The following KIF21A variants were observed in gnomAD, a reference collection of about 807,000 sequenced individuals.
KIF21A encodes the protein kinesin-like protein KIF21A.
A neutral mutation model predicts 202.9 loss-of-function variants in KIF21A; 114 were observed. The observed-to-expected ratio is 0.56, with a 90% CI of 0.48 to 0.66. KIF21A has a LOEUF of 0.66. Among genes scored for constraint, KIF21A ranks in the 30% least tolerant of loss-of-function variants. The pLI is 0.00. For synonymous variants in KIF21A, 667 were observed against 670.8 expected (o/e 0.99, Z 0.09); for missense variants, 1,677 against 1,994.9 (o/e 0.84, Z 3.04).
chr12:39,332,910 C>T lies in KIF21A; in HGVS notation c.2685G>A (p.Pro895=), dbSNP rs140831269. ...PVARVQALPT[P]ATNGNRKKYQ... The stretch of plus-strand genomic sequence containing the variant: ...ATGTAGACCTGTTTCCATTTGTTGC[C>T]GGCGTTGGTAAGGCCTGGACTCTCG... The change falls in exon 19 of 38, where the codon CCG becomes CCA. Residue 895 remains proline, a synonymous_variant. Transcript: ENST00000361418. The T allele has an allele frequency of 6.9e-5, 111 of 1,613,578 alleles. 1 individual carries two copies. Among genetic ancestry groups the T allele is most frequent in the Middle Eastern group, 1.7e-4 (1 of 5,838 alleles).
At position 39,331,700 on chromosome 12, in the gene KIF21A, C is replaced by G; in HGVS notation, c.3143G>C (p.Gly1048Ala). The G allele has an allele frequency of 6.2e-7, 1 of 1,608,346 alleles. No individual in the cohort carries two copies. Among genetic ancestry groups the G allele is most frequent in the Non-Finnish European group, 8.5e-7 (1 of 1,174,820 alleles). ...RYLLDHFLSM[G>A]INKGLQAAQK... ...GTGGTTGTATCTTACCTTATTGATG[C>G]CCATTGACAGGAAGTGATCTAGCAG... The change falls in exon 22 of 38, where the codon GGC becomes GCC. Residue 1048 changes from glycine (G) to alanine (A), a missense_variant. Physicochemically the swap from Gly to Ala is moderately conservative, Grantham distance 60. This residue lies in a region of KIF21A where 705 missense variants were observed against 791.9 expected (regional missense o/e 0.89). Coordinates refer to ENST00000361418, the MANE Select transcript of KIF21A (RefSeq NM_001173464.2).
chr12:39,383,116 T>G (rs998570417), intron 1 of KIF21A, among the ~76,000 whole-genome samples: 10 of 152,242 alleles, frequency 6.6e-5, no homozygotes, highest in African/African-American at 2.4e-4. Flanking sequence ...TTTTAATGCA[T>G]GAATGTACTA....
intron 26 of KIF21A, among the ~76,000 whole-genome samples, chr12:39,325,630 C>G (rs943576301): frequency 1.3e-5 from 2 of 151,494 alleles, no homozygotes; most frequent in African/African-American, 2.4e-5. Context: ...CATGAGCCAC[C>G]GTATCTGGCC....
intron 37 of KIF21A, among the ~76,000 whole-genome samples, chr12:39,298,026 C>T (rs1942578945): frequency 6.6e-6 from 1 of 151,304 alleles, no homozygotes; most frequent in Non-Finnish European, 1.5e-5. Flanking sequence ...TAACTCACAC[C>T]AGGTTAACCC....
intron 1 of KIF21A, among the ~76,000 whole-genome samples, chr12:39,395,248 C>G (rs1050931641): frequency 2.0e-5 from 3 of 152,114 alleles, no homozygotes; most frequent in Non-Finnish European, 4.4e-5. Flanking sequence ...CTTAGTAGCT[C>G]CCCATTACCT....
intron 14 of KIF21A, 83 bp downstream of exon 14, chr12:39,341,422 A>C: frequency 7.4e-7 from 1 of 1,348,830 alleles, no homozygotes; most frequent in Non-Finnish European, 1.0e-6. Flanking sequence ...TCAAGTATGA[A>C]ATAGAGAATG....
In KIF21A at chr12:39,370,133, T is replaced by A; in HGVS notation, c.173A>T (p.Asp58Val). 1 of 1,613,634 alleles carries A rather than the reference T, an allele frequency of 6.2e-7. No individual in the cohort carries two copies. Among genetic ancestry groups the A allele is most frequent in the Non-Finnish European group, 8.5e-7 (1 of 1,179,680 alleles). Residue 58 changes from aspartate (D) to valine (V), a missense_variant, in exon 2 of 38, where the codon GAC becomes GTC. Around this residue, in one of 3 missense-constraint regions of KIF21A, gnomAD observed 966 missense variants for 1,180.9 expected, o/e 0.82. Coordinates refer to ENST00000361418, the MANE Select transcript of KIF21A (RefSeq NM_001173464.2). ...AFTFDYVFDI[D>V]SQQEQIYIQC... ...AATGTAGATCTGCTCTTGCTGGGAG[T>A]CAATGTCAAATACATAGTCAAAAGT...
At chr12:39,362,904 C>T (rs1229187746) in intron 7 of KIF21A, among the ~76,000 whole-genome samples, 194 bp downstream of exon 7, 1 of 152,146 alleles carries the variant, frequency 6.6e-6, no homozygotes, top group East Asian at 1.9e-4. Flanking sequence ...ATACCTACAC[C>T]TCAAGGGATG....
chr12:39,340,070 G>A (rs763863911), intron 16 of KIF21A, 95 bp downstream of exon 16: 49 of 966,984 alleles, frequency 5.1e-5, no homozygotes, highest in Non-Finnish European at 6.5e-5. Flanking sequence ...TACCTTTATC[G>A]AATATGGAAA....
At chr12:39,297,903 AGTATT>A (rs1462511248) in intron 37 of KIF21A, among the ~76,000 whole-genome samples, 1 of 148,808 alleles carries the variant, frequency 6.7e-6, no homozygotes, top group African/African-American at 2.5e-5. Context: ...AAAATAATAA[AGTATT>A]GTATTTTGGT....
chr12:39,310,336 A>G (rs973562465), intron 32 of KIF21A, among the ~76,000 whole-genome samples: 2 of 152,044 alleles, frequency 1.3e-5, no homozygotes, highest in African/African-American at 2.4e-5. Flanking sequence ...TTCAAAGAAC[A>G]TATGTTTTTT....
At chr12:39,435,808 C>T (rs1938609748) in intron 1 of KIF21A, among the ~76,000 whole-genome samples, 1 of 152,104 alleles carries the variant, frequency 6.6e-6, no homozygotes, top group Non-Finnish European at 1.5e-5. Flanking sequence ...GCCTGGAATT[C>T]ACTAAAGAAT....
chr12:39,369,209 A>G (rs1260001908), intron 3 of KIF21A, among the ~76,000 whole-genome samples: 1 of 152,206 alleles, frequency 6.6e-6, no homozygotes, highest in Non-Finnish European at 1.5e-5. Context: ...CTGTAACCCC[A>G]GCACTTTGGG....
At chr12:39,386,025 T>A (rs1029454526) in intron 1 of KIF21A, among the ~76,000 whole-genome samples, 14 of 152,204 alleles carry the variant, frequency 9.2e-5, no homozygotes, top group African/African-American at 3.1e-4. Context: ...GGTTTTGTTT[T>A]TGTTCTTGTC....
chr12:39,314,012 A>G (rs1944276499), intron 31 of KIF21A, among the ~76,000 whole-genome samples: 1 of 151,796 alleles, frequency 6.6e-6, no homozygotes, highest in African/African-American at 2.4e-5. Flanking sequence ...AGGGCTGAAT[A>G]TATGAAGAGC....
chr12:39,303,561 CCT>C (rs1491257999), intron 35 of KIF21A, among the ~76,000 whole-genome samples: 1 of 152,054 alleles, frequency 6.6e-6, no homozygotes, highest in African/African-American at 2.4e-5. Flanking sequence ...AAACCTGTGC[CCT>C]TTTTTTCACA....
chr12:39,347,918 C>CA (rs149414494), intron 11 of KIF21A, among the ~76,000 whole-genome samples: 6,273 of 151,900 alleles, frequency 0.041, 429 homozygotes, highest in African/African-American at 0.14. Flanking sequence ...TCCACATACA[C>CA]AAAAAATGCA....
Position 39,308,547 on chromosome 12 carries a change from T to C in KIF21A, c.4278-818A>G, listed in dbSNP as rs554556977. ...TGGATTAAAGACAACGGAGACCTTT[T>C]GAATTATTTGCAGTTTTCATTTACT... On this transcript the variant is annotated intron_variant, in intron 33 of 37. Coordinates refer to ENST00000361418, the MANE Select transcript of KIF21A (RefSeq NM_001173464.2). Among the ~76,000 whole-genome samples the C allele has an allele frequency of 7.9e-5, 12 of 152,332 alleles. No homozygotes were observed. In the South Asian group the frequency reaches 2.5e-3, roughly 32 times the overall value.
Position 39,330,761 on chromosome 12 carries a change from C to T in KIF21A, c.3304G>A (p.Gly1102Ser), listed in dbSNP as rs1423846263. The change falls in exon 23 of 38, where the codon GGC becomes AGC. Residue 1102 changes from glycine to serine, a missense_variant. Coordinates refer to ENST00000361418, the MANE Select transcript of KIF21A (RefSeq NM_001173464.2). ...ELNPELDALLGHALQDLDSVP... is the reference protein window; with the variant it reads ...ELNPELDALLSHALQDLDSVP... ...AGCAAATTACCTTGTAAAGCATGGC[C>T]TAGTAAAGCATCTAGCTCAGGATTT... 1.2e-6 allele frequency: 2 copies of T among 1,613,778 alleles called. No individual in the cohort carries two copies. The highest frequency in any genetic ancestry group is 1.7e-6 in the Non-Finnish European group (2 of 1,179,848).
Sources: allele counts gnomAD v4.1 joint callset (sites outside exome capture counted in the v4.1 genomes callset), GRCh38; gene constraint gnomAD v4.1.1; regional missense constraint gnomAD v4.1.1; transcripts MANE v1.5; gene names NCBI Gene and HGNC (gene_info 2026-07-23, HGNC 2026-07-21).